The following RALYL variants were observed in gnomAD, a reference collection of about 807,000 sequenced individuals.
RALYL encodes RALY RNA binding protein like.
Under a neutral mutation model 35.1 loss-of-function variants are expected in RALYL, and 29 were observed. That is an observed-to-expected ratio of 0.83 (90% CI 0.61 to 1.13). The LOEUF is 1.13. Among genes scored for constraint, RALYL ranks in the 50% most tolerant of loss-of-function variants. The probability of loss-of-function intolerance (pLI) is 0.00; values close to 1 mark genes in which losing one functional copy is unlikely to be tolerated. For synonymous variants in RALYL, 120 were observed against 127.6 expected, an observed-to-expected ratio of 0.94 and a Z score of 0.40; for missense variants, 359 against 360.4, an observed-to-expected ratio of 1.00 and a Z score of 0.03.
At chr8:84,313,492 C>A (rs1410508388) in intron 1 of RALYL, among the ~76,000 whole-genome samples, 1 of 152,142 alleles carries the variant, frequency 6.6e-6, no homozygotes, top group Non-Finnish European at 1.5e-5. Context: ...TTCAAATCAT[C>A]TCTTTGTGAA....
chr8:84,842,070 GA>G (rs1402344297), intron 4 of RALYL, among the ~76,000 whole-genome samples: 2 of 152,076 alleles, frequency 1.3e-5, no homozygotes, highest in Non-Finnish European at 2.9e-5. Context: ...AGAGAAGCAA[GA>G]GCAAACACAT....
intron 1 of RALYL, among the ~76,000 whole-genome samples, chr8:84,466,086 A>C (rs1225878079): frequency 5.4e-4 from 52 of 97,162 alleles, no homozygotes; most frequent in South Asian, 1.7e-3. Flanking sequence ...TGTCATCTGC[A>C]AACAGGGACA....
At chr8:84,909,249 C>T (rs1465711339) in intron 8 of RALYL, among the ~76,000 whole-genome samples, 1 of 152,088 alleles carries the variant, frequency 6.6e-6, no homozygotes, top group Non-Finnish European at 1.5e-5. Flanking sequence ...TTCTATAGAG[C>T]AAGTTGATTG....
chr8:84,272,077 G>T (rs557126252), intron 1 of RALYL, among the ~76,000 whole-genome samples: 61 of 151,630 alleles, frequency 4.0e-4, no homozygotes, highest in African/African-American at 1.4e-3. Context: ...ATGTTTTTTT[G>T]GTTCTTTGTT....
At chr8:84,223,988 C>T (rs574568047) in intron 1 of RALYL, among the ~76,000 whole-genome samples, 79 of 152,260 alleles carry the variant, frequency 5.2e-4, no homozygotes, top group African/African-American at 1.9e-3. Context: ...TGGATATCTT[C>T]ACTTGAGTAT....
At chr8:84,639,225 T>A (rs1825809861) in intron 2 of RALYL, among the ~76,000 whole-genome samples, 1 of 151,712 alleles carries the variant, frequency 6.6e-6, no homozygotes, top group Non-Finnish European at 1.5e-5. Flanking sequence ...GTTAACTTAT[T>A]GACTGCTAGA....
At chr8:84,245,611 T>C (rs1416510954) in intron 1 of RALYL, among the ~76,000 whole-genome samples, 1 of 152,212 alleles carries the variant, frequency 6.6e-6, no homozygotes, top group East Asian at 1.9e-4. Flanking sequence ...TGTTTAAGCG[T>C]ATGCATATGA....
At chr8:84,709,784 G>C (rs1274518123) in intron 2 of RALYL, among the ~76,000 whole-genome samples, 1 of 152,070 alleles carries the variant, frequency 6.6e-6, no homozygotes, top group Non-Finnish European at 1.5e-5. Context: ...TTGTCAGCCA[G>C]GCGCAGTGTC....
At chr8:84,343,892 T>G (rs111895767) in intron 1 of RALYL, among the ~76,000 whole-genome samples, 76 of 146,502 alleles carry the variant, frequency 5.2e-4, no homozygotes, top group South Asian at 3.1e-3. Flanking sequence ...TTGTTTGTTT[T>G]TTTTTTTAAC....
intron 3 of RALYL, among the ~76,000 whole-genome samples, chr8:84,790,965 T>C (rs1820635764): frequency 6.6e-6 from 1 of 152,198 alleles, no homozygotes; most frequent in East Asian, 1.9e-4. Flanking sequence ...ACCTTTAGGC[T>C]GAACTTAAAA....
chr8:84,815,212 G>T (rs2134155125), intron 4 of RALYL, among the ~76,000 whole-genome samples: 1 of 152,174 alleles, frequency 6.6e-6, no homozygotes, highest in African/African-American at 2.4e-5. Flanking sequence ...CAGAATATAT[G>T]CCATGGAAGC....
chr8:84,493,921 G>A (rs773489553), intron 1 of RALYL, among the ~76,000 whole-genome samples: 1 of 152,016 alleles, frequency 6.6e-6, no homozygotes, highest in African/African-American at 2.4e-5. Flanking sequence ...GATCCCATTT[G>A]TCTATTTTAG....
chr8:84,820,908 A>G (rs893360559), intron 4 of RALYL, among the ~76,000 whole-genome samples: 2 of 152,224 alleles, frequency 1.3e-5, no homozygotes, highest in Non-Finnish European at 2.9e-5. Flanking sequence ...TGTAGAATCA[A>G]TACTGCACGA....
chr8:84,285,122 A>G (rs1466674510), intron 1 of RALYL, among the ~76,000 whole-genome samples: 1 of 152,174 alleles, frequency 6.6e-6, no homozygotes. Flanking sequence ...AAGCACATTA[A>G]TGCAGTCCTC....
rs764835595 is a variant in RALYL at position 84,373,267 on chromosome 8, G to A, written c.-23-156032G>A. Among the ~76,000 whole-genome samples the A allele has an allele frequency of 5.8e-4, 88 of 151,422 alleles. 2 individuals carry two copies. Among genetic ancestry groups the A allele is most frequent in the South Asian group, 2.1e-4 (1 of 4,806 alleles). On this transcript the variant is annotated intron_variant, in intron 1 of 8. Transcript: ENST00000521268. ...TTTTGCTTTTGTTAAAATTGCTTTCGGCATCTTCATCATGAAATCTTTGCT... is the reference window on the plus strand; with the variant it reads ...TTTTGCTTTTGTTAAAATTGCTTTCAGCATCTTCATCATGAAATCTTTGCT...
chr8:84,616,947 C>T (rs1251239726), intron 2 of RALYL, among the ~76,000 whole-genome samples: 1 of 149,684 alleles, frequency 6.7e-6, no homozygotes, highest in African/African-American at 2.5e-5. Context: ...TTCCATTGAT[C>T]TATATCTCTG....
At chr8:84,518,651 C>T (rs748124266) in intron 1 of RALYL, among the ~76,000 whole-genome samples, 1 of 152,092 alleles carries the variant, frequency 6.6e-6, no homozygotes, top group African/African-American at 2.4e-5. Flanking sequence ...TATTGTAGCA[C>T]GTTTATTTTT....
chr8:84,196,846 ATGG>A (rs1377145079), intron 1 of RALYL, among the ~76,000 whole-genome samples: 1 of 152,194 alleles, frequency 6.6e-6, no homozygotes, highest in Non-Finnish European at 1.5e-5. Context: ...ATCCCAAAAT[ATGG>A]TCCCATTGAC....
intron 1 of RALYL, among the ~76,000 whole-genome samples, chr8:84,381,855 A>G (rs1858056945): frequency 6.6e-6 from 1 of 151,680 alleles, no homozygotes. Context: ...CTACCTGGTC[A>G]CTGTTTCTGT....
Sources: allele counts gnomAD v4.1 joint callset (sites outside exome capture counted in the v4.1 genomes callset), GRCh38; gene constraint gnomAD v4.1.1; transcripts MANE v1.5; gene names NCBI Gene and HGNC (gene_info 2026-07-23, HGNC 2026-07-21).